Variants in HIVEP3 observed in about 807,000 individuals in gnomAD.
HIVEP3 encodes the protein transcription factor HIVEP3.
Under a neutral mutation model 152.8 loss-of-function variants are expected in HIVEP3, and 49 were observed. The observed-to-expected ratio is 0.32, with a 90% CI of 0.26 to 0.41. HIVEP3 has a LOEUF of 0.41. Among genes scored for constraint, HIVEP3 ranks in the 10% least tolerant of loss-of-function variants. The pLI is 1.00. For synonymous variants in HIVEP3, 1,269 were observed against 1,289.0 expected (o/e 0.98, Z 0.33); for missense variants, 2,790 against 3,103.3 (o/e 0.90, Z 2.40).
intron 3 of HIVEP3, among the ~76,000 whole-genome samples, chr1:41,596,005 A>G (rs543496329): frequency 6.6e-6 from 1 of 151,994 alleles, no homozygotes; most frequent in East Asian, 1.9e-4. Flanking sequence ...CCTGACTAAT[A>G]CAAGGTTCAA....
intron 2 of HIVEP3, among the ~76,000 whole-genome samples, chr1:41,642,743 G>A (rs1645394272): frequency 6.6e-6 from 1 of 152,140 alleles, no homozygotes; most frequent in Non-Finnish European, 1.5e-5. Flanking sequence ...TAACCCCGTC[G>A]ACAGGGAAAG....
intron 4 of HIVEP3, among the ~76,000 whole-genome samples, chr1:41,577,310 C>T (rs1341055659): frequency 2.0e-5 from 3 of 152,216 alleles, no homozygotes; most frequent in African/African-American, 7.2e-5. Flanking sequence ...TCTCCACAGT[C>T]CTATGCGCTA....
At chr1:41,865,921 G>T (rs1340487818) in intron 1 of HIVEP3, among the ~76,000 whole-genome samples, 1 of 152,144 alleles carries the variant, frequency 6.6e-6, no homozygotes, top group Non-Finnish European at 1.5e-5. Context: ...TCATAAATAG[G>T]TCCCAAAGAC....
In HIVEP3 at chr1:41,648,195, C is replaced by T. The variant is rs531271350; in HGVS notation, c.-720-19248G>A. Among the ~76,000 whole-genome samples, 3 of 152,350 alleles carry T rather than the reference C, an allele frequency of 2.0e-5. No individual in the cohort carries two copies. The East Asian group carries it at 5.8e-4, about 29-fold the overall frequency. ...ACCACTCCCTCATATGGCATTGTGT[C>T]TCTATGGCCCTGGGAAATGTCCTCC... On this transcript the variant is annotated intron_variant, in intron 2 of 8. Transcript: ENST00000372583.
At chr1:41,704,594 C>G (rs1407820562) in intron 1 of HIVEP3, among the ~76,000 whole-genome samples, 2 of 152,240 alleles carry the variant, frequency 1.3e-5, no homozygotes, top group Non-Finnish European at 2.9e-5. Flanking sequence ...TGGGAAGGAG[C>G]TAACATCCAT....
intron 1 of HIVEP3, among the ~76,000 whole-genome samples, chr1:41,967,137 T>C (rs1326019365): frequency 6.6e-6 from 1 of 151,976 alleles, no homozygotes; most frequent in Non-Finnish European, 1.5e-5. Context: ...TATTAGATCA[T>C]TGAGACAGAA....
intron 1 of HIVEP3, among the ~76,000 whole-genome samples, chr1:41,825,512 C>T (rs1642774749): frequency 2.0e-5 from 3 of 151,950 alleles, no homozygotes; most frequent in Non-Finnish European, 4.4e-5. Context: ...CTCAGGTGAT[C>T]CACCTGACTT....
intron 1 of HIVEP3, among the ~76,000 whole-genome samples, chr1:41,905,683 T>C (rs1644698195): frequency 6.6e-6 from 1 of 152,232 alleles, no homozygotes; most frequent in African/African-American, 2.4e-5. Flanking sequence ...TCTTAATTTC[T>C]ATGCCAAATT....
intron 5 of HIVEP3, among the ~76,000 whole-genome samples, chr1:41,545,626 C>CCACCACCAT (rs1172617466): frequency 2.4e-5 from 3 of 127,380 alleles, no homozygotes; most frequent in East Asian, 6.1e-4. Context: ...ACTACCATCA[C>CCACCACCAT]CACCACCATC....
chr1:41,864,577 C>T (rs970645646), intron 1 of HIVEP3: 1 of 152,226 alleles, frequency 6.6e-6, no homozygotes, highest in Non-Finnish European at 1.5e-5. Context: ...ACCTGGCTCA[C>T]CTGTTTCTCT....
At chr1:41,872,671 T>C (rs183571680) in intron 1 of HIVEP3, among the ~76,000 whole-genome samples, 3 of 152,372 alleles carry the variant, frequency 2.0e-5, no homozygotes. Context: ...CTTGTTGATA[T>C]CTGGCTTCTT....
Position 41,511,202 on chromosome 1 carries a change from G to C in HIVEP3, c.6470C>G (p.Pro2157Arg). 1.2e-6 allele frequency: 2 copies of C among 1,613,980 alleles called. No homozygotes were observed. The highest frequency in any genetic ancestry group is 1.7e-4 in the Middle Eastern group (1 of 6,050). ...PGPAHPLSSR[P>R]FSALHDFHGH... ...GTGGAAGTCATGGAGGGCGGAGAAG[G>C]GTCGGGAGGAGAGAGGATGAGCAGG... The change falls in exon 9 of 9, where the codon CCC becomes CGC. Residue 2157 changes from proline (P) to arginine (R), a missense_variant. Physicochemically the swap from Pro to Arg is moderately radical, Grantham distance 103. Transcript: ENST00000372583. The surrounding 1 kb of genome is among the most constrained non-coding windows in gnomAD (Gnocchi z 4.9).
At chr1:41,577,504 A>G (rs1397495126) in intron 4 of HIVEP3, among the ~76,000 whole-genome samples, 1 of 152,144 alleles carries the variant, frequency 6.6e-6, no homozygotes, top group Non-Finnish European at 1.5e-5. Flanking sequence ...ATGATTCCCA[A>G]GGAGGAAAAA....
intron 1 of HIVEP3, among the ~76,000 whole-genome samples, chr1:41,933,963 C>G (rs1481507455): frequency 2.6e-5 from 4 of 152,074 alleles, no homozygotes; most frequent in Non-Finnish European, 5.9e-5. Flanking sequence ...GTTCCCTTAT[C>G]TCAGATGTAA....
At chr1:41,985,941 TA>T (rs1308664923) in intron 1 of HIVEP3, among the ~76,000 whole-genome samples, 15 of 151,414 alleles carry the variant, frequency 9.9e-5, no homozygotes, top group East Asian at 1.9e-4. Context: ...AAGTCAGTTT[TA>T]AAAAAAAAGA....
intron 2 of HIVEP3, among the ~76,000 whole-genome samples, chr1:41,678,055 G>A (rs1422319081): frequency 6.6e-6 from 1 of 152,166 alleles, no homozygotes; most frequent in East Asian, 1.9e-4. Flanking sequence ...CTTCTGGAGA[G>A]CAATTCTAAA....
At chr1:41,829,167 A>C (rs1052214493) in intron 1 of HIVEP3, among the ~76,000 whole-genome samples, 1 of 152,078 alleles carries the variant, frequency 6.6e-6, no homozygotes, top group Non-Finnish European at 1.5e-5. Context: ...TCACAGGGGT[A>C]TTATTCCATG....
At chr1:41,563,821 C>CT (rs2149091224) in intron 5 of HIVEP3, among the ~76,000 whole-genome samples, 1 of 152,162 alleles carries the variant, frequency 6.6e-6, no homozygotes, top group East Asian at 1.9e-4. Context: ...TAACAACTAA[C>CT]GTTAATAGCC....
intron 1 of HIVEP3, among the ~76,000 whole-genome samples, chr1:42,000,202 CT>C (rs1557556457): frequency 1.3e-5 from 2 of 152,218 alleles, no homozygotes; most frequent in Non-Finnish European, 2.9e-5. Context: ...CATAGATACT[CT>C]TTCCATATCC....
Sources: allele counts gnomAD v4.1 joint callset (sites outside exome capture counted in the v4.1 genomes callset), GRCh38; gene constraint gnomAD v4.1.1; non-coding constraint Gnocchi (gnomAD v3.1); transcripts MANE v1.5; gene names NCBI Gene and HGNC (gene_info 2026-07-23, HGNC 2026-07-21).